UPRT: variants seen among roughly 807,000 people sequenced by gnomAD.
UPRT encodes RP11-311P8.3.
A neutral mutation model predicts 22.6 loss-of-function variants in UPRT; 5 were observed. The ratio of observed to expected loss-of-function variants is 0.22; its 90% CI spans 0.12 to 0.47. UPRT has a LOEUF of 0.47. Among genes scored for constraint, UPRT ranks in the 20% least tolerant of loss-of-function variants. The pLI is 0.99. For missense variants in UPRT, 181 were observed against 239.9 expected, an observed-to-expected ratio of 0.75 and a Z score of 1.62; for synonymous variants, 77 against 87.7, an observed-to-expected ratio of 0.88 and a Z score of 0.68.
At chrX:75,299,536 A>G (rs926043162) in intron 4 of UPRT, among the ~76,000 whole-genome samples, 199 bp from the exon 5 acceptor site, 4 of 111,923 alleles carry the variant, frequency 3.6e-5, no homozygotes, top group Non-Finnish European at 7.5e-5. Context: ...TTCATTAACC[A>G]GCCCTTAACC....
At chrX:75,298,605 A>G (rs769516766) in intron 4 of UPRT, among the ~76,000 whole-genome samples, 1 of 112,394 alleles carries the variant, frequency 8.9e-6, no homozygotes, top group Non-Finnish European at 1.9e-5. Context: ...TTTTTAACAT[A>G]TAAACATTCA....
intron 4 of UPRT, 48 bp from the exon 5 acceptor site, chrX:75,299,687 T>TTC: frequency 8.7e-7 from 1 of 1,152,519 alleles, no homozygotes; most frequent in Non-Finnish European, 1.2e-6. Context: ...TTCTTGGACT[T>TTC]TCTCTCTCTT....
chrX:75,259,152 A>G (rs1385628567), intron 4 of UPRT, among the ~76,000 whole-genome samples: 1 of 111,377 alleles, frequency 9.0e-6, no homozygotes, highest in African/African-American at 3.3e-5. Flanking sequence ...AGATAAATCC[A>G]TGAAGATGGG....
chrX:75,219,467 A>G (rs1419411793), intron 4 of UPRT, among the ~76,000 whole-genome samples: 1 of 112,243 alleles, frequency 8.9e-6, no homozygotes, highest in Non-Finnish European at 1.9e-5. Flanking sequence ...CAGAGAGATA[A>G]TAAGTGGGCT....
intron 4 of UPRT, among the ~76,000 whole-genome samples, chrX:75,188,428 C>G (rs2082302672): frequency 8.9e-6 from 1 of 112,245 alleles, no homozygotes; most frequent in Admixed American, 9.4e-5. Flanking sequence ...CTCTTCAAAG[C>G]TGTCAGACAG....
rs892768350 is a variant in UPRT, at chrX:75,254,576, G to C, written c.-446-36448G>C. The stretch of plus-strand genomic sequence containing the variant: ...AGTAATTGGCATTCTTGAAGAAGAA[G>C]AAAAATCTAAAAGTTTGGAAAACAT... On this transcript the variant is annotated intron_variant, in intron 4 of 13. Coordinates refer to the UPRT transcript ENST00000652605. 3.6e-5 allele frequency among the ~76,000 whole-genome samples: 4 copies of C among 111,485 alleles called. No individual in the cohort carries two copies. The South Asian group carries it at 1.5e-3, about 41-fold the overall frequency.
chrX:75,172,386 C>T lies in UPRT; in HGVS notation c.-447+4507C>T, dbSNP rs182462062. 1.1e-3 allele frequency among the ~76,000 whole-genome samples: 128 copies of T among 111,380 alleles called. No homozygotes were observed. The East Asian group carries it at 0.022, about 19-fold the overall frequency. ...TGGGGGAAAGCTGGCAGTTACAGGC[C>T]TCACCCAGCTCCCACACAACCCAAA... is the stretch of plus-strand genomic sequence containing the variant. On this transcript the variant is annotated intron_variant, in intron 4 of 13. Transcript: ENST00000652605.
chrX:75,245,928 C>A (rs182082671), intron 4 of UPRT, among the ~76,000 whole-genome samples: 2 of 111,054 alleles, frequency 1.8e-5, no homozygotes, highest in African/African-American at 3.3e-5. Flanking sequence ...TGCACATGTA[C>A]CCTTGAACCA....
chrX:75,257,558 C>T (rs373402910), intron 4 of UPRT, among the ~76,000 whole-genome samples: 6 of 111,492 alleles, frequency 5.4e-5, no homozygotes, highest in South Asian at 3.8e-4. Flanking sequence ...GCATCCAAAT[C>T]GATAAAGAGA....
At chrX:75,179,206 A>G (rs12013885) in intron 4 of UPRT, among the ~76,000 whole-genome samples, 136 of 106,891 alleles carry the variant, frequency 1.3e-3, no homozygotes, top group African/African-American at 5.0e-3. Flanking sequence ...AGCTAGACAC[A>G]GAGTGTCGAT....
At chrX:75,225,188 G>T (rs2082420182) in intron 4 of UPRT, among the ~76,000 whole-genome samples, 1 of 110,930 alleles carries the variant, frequency 9.0e-6, no homozygotes, top group African/African-American at 3.3e-5. Flanking sequence ...CACAAGTGGG[G>T]GTTGGTAGAG....
intron 4 of UPRT, among the ~76,000 whole-genome samples, chrX:75,299,249 A>G (rs888072614): frequency 1.5e-4 from 17 of 112,441 alleles, no homozygotes; most frequent in Non-Finnish European, 3.0e-4. Flanking sequence ...TTGAGAAGTC[A>G]TTGTTGAGCT....
At chrX:75,196,316 C>T (rs2082332509) in intron 4 of UPRT, among the ~76,000 whole-genome samples, 2 of 111,915 alleles carry the variant, frequency 1.8e-5, no homozygotes, top group African/African-American at 6.5e-5. Flanking sequence ...TAGGCACATG[C>T]TACCACACCC....
chrX:75,296,472 G>A (rs746855618), intron 3 of UPRT, 61 bp downstream of exon 3: 24 of 1,006,606 alleles, frequency 2.4e-5, no homozygotes, highest in Middle Eastern at 5.8e-4. Context: ...AATGGGGAAA[G>A]ATGTAAGTAA....
Position 75,274,424 on chromosome X carries a change from A to G in UPRT, c.170A>G (p.His57Arg). 2 of 1,211,407 alleles carry G rather than the reference A, an allele frequency of 1.7e-6. No homozygotes were observed. The highest frequency in any genetic ancestry group is 1.7e-5 in the African/African-American group (1 of 57,825). ...AKVILLTGYA[H>R]SSLPAELDSG... is the part of the protein sequence containing the mutation. ...GTGATTCTCCTCACGGGGTACGCCCATTCTAGCCTGCCGGCCGAGCTGGAC... is the reference window on the plus strand; with the variant it reads ...GTGATTCTCCTCACGGGGTACGCCCGTTCTAGCCTGCCGGCCGAGCTGGAC... The change falls in exon 1 of 7, where the codon CAT (histidine) becomes CGT (arginine). Residue 57 changes from histidine to arginine, a missense_variant. Coordinates refer to ENST00000373383, the MANE Select transcript of UPRT (RefSeq NM_145052.4).
chrX:75,185,921 T>C (rs1471547295), intron 4 of UPRT, among the ~76,000 whole-genome samples: 2 of 111,817 alleles, frequency 1.8e-5, no homozygotes, highest in South Asian at 3.7e-4. Flanking sequence ...TTTTTTTCTT[T>C]ATTAGTCTTG....
chrX:75,221,328 T>C (rs778121736), intron 4 of UPRT, among the ~76,000 whole-genome samples: 63 of 111,217 alleles, frequency 5.7e-4, no homozygotes, highest in Non-Finnish European at 1.0e-3. Context: ...CTTGGTGTTC[T>C]ATAACCTTCT....
chrX:75,190,946 G>A (rs1425822024), intron 4 of UPRT, among the ~76,000 whole-genome samples: 3 of 111,199 alleles, frequency 2.7e-5, no homozygotes, highest in African/African-American at 9.8e-5. Context: ...GCTTGGAGAG[G>A]TTTGTTGTCT....
chrX:75,241,714 T>A (rs186770620), intron 4 of UPRT, among the ~76,000 whole-genome samples: 10 of 111,763 alleles, frequency 8.9e-5, no homozygotes, highest in Admixed American at 5.7e-4. Flanking sequence ...AAAACGTGCA[T>A]ATATATCATG....
Sources: allele counts gnomAD v4.1 joint callset (sites outside exome capture counted in the v4.1 genomes callset), GRCh38; gene constraint gnomAD v4.1.1; transcripts MANE v1.5; gene names NCBI Gene and HGNC (gene_info 2026-07-23, HGNC 2026-07-21).